Variants in CNTNAP2 observed in about 807,000 individuals in gnomAD.
CNTNAP2 encodes contactin associated protein 2, also known as contactin-associated protein-like 2.
In CNTNAP2, 98 loss-of-function variants were observed where a neutral mutation model predicts 155.2. The observed-to-expected ratio is 0.63, with a 90% CI of 0.54 to 0.75. The LOEUF is 0.75. CNTNAP2 is among the 30% of genes least tolerant of loss of function. The probability of loss-of-function intolerance (pLI) is 0.00; values close to 1 mark genes in which losing one functional copy is unlikely to be tolerated. For synonymous variants in CNTNAP2, 651 were observed against 631.2 expected (o/e 1.03, Z -0.47); for missense variants, 1,727 against 1,688.1 (o/e 1.02, Z -0.40).
At position 146,951,013 on chromosome 7, in the gene CNTNAP2, G is replaced by A. The variant is rs186013608; in HGVS notation, c.403-92894G>A. Among the ~76,000 whole-genome samples the A allele has an allele frequency of 2.8e-3, 427 of 152,092 alleles. 3 individuals carry two copies. Among genetic ancestry groups the A allele is most frequent in the Non-Finnish European group, 3.5e-3 (239 of 68,002 alleles). On this transcript the variant is annotated intron_variant, in intron 3 of 23. Transcript: ENST00000361727. ...AACTGGCGTGAGATGGTATCTCATC[G>A]TGGTTTTGATTTGCATTTCTGTAAT... is the stretch of plus-strand genomic sequence containing the variant.
At chr7:148,143,710 G>A (rs182444997) in intron 16 of CNTNAP2, among the ~76,000 whole-genome samples, 1 of 152,202 alleles carries the variant, frequency 6.6e-6, no homozygotes, top group Admixed American at 6.5e-5. Flanking sequence ...TTTAAAAGTT[G>A]AACAATGTCA....
At chr7:147,076,084 G>GTAAACATAC (rs1799994003) in intron 4 of CNTNAP2, among the ~76,000 whole-genome samples, 1 of 151,870 alleles carries the variant, frequency 6.6e-6, no homozygotes, top group Non-Finnish European at 1.5e-5. Context: ...TAGTGCTGCA[G>GTAAACATAC]TAAACATACG....
chr7:148,126,273 T>G (rs991425547), intron 16 of CNTNAP2, among the ~76,000 whole-genome samples: 1 of 152,148 alleles, frequency 6.6e-6, no homozygotes, highest in African/African-American at 2.4e-5. Flanking sequence ...TACGGAACAT[T>G]AGTTACCATT....
intron 20 of CNTNAP2, among the ~76,000 whole-genome samples, chr7:148,250,474 G>A (rs546588667): frequency 2.0e-5 from 3 of 152,310 alleles, no homozygotes; most frequent in East Asian, 3.9e-4. Context: ...CTTGACAAAC[G>A]TTTCTTGAAT....
At chr7:146,947,597 A>ATG (rs1246647339) in intron 3 of CNTNAP2, among the ~76,000 whole-genome samples, 1 of 132,802 alleles carries the variant, frequency 7.5e-6, no homozygotes, top group African/African-American at 2.7e-5. Context: ...ATATATATAT[A>ATG]TGTATATATC....
At chr7:148,040,841 A>ATTTTT (rs59433735) in intron 15 of CNTNAP2, among the ~76,000 whole-genome samples, 62 of 149,860 alleles carry the variant, frequency 4.1e-4, no homozygotes, top group Admixed American at 9.3e-4. Context: ...AAGAGAGCAA[A>ATTTTT]TTTTTTTTTT....
intron 8 of CNTNAP2, among the ~76,000 whole-genome samples, chr7:147,222,000 T>C (rs1035824872): frequency 6.6e-6 from 1 of 152,124 alleles, no homozygotes. Context: ...ACCCACCCCC[T>C]CTCTGGCTTC....
intron 15 of CNTNAP2, among the ~76,000 whole-genome samples, chr7:148,052,836 C>A (rs147024041): frequency 1.3e-5 from 2 of 152,256 alleles, no homozygotes; most frequent in African/African-American, 2.4e-5. Context: ...TACTTGAGGT[C>A]GGGAGTTTGA....
intron 1 of CNTNAP2, among the ~76,000 whole-genome samples, chr7:146,445,922 C>A (rs1639459): frequency 0.036 from 5,415 of 152,122 alleles, 341 homozygotes; most frequent in African/African-American, 0.12. Context: ...TTATTACAGG[C>A]AACCCTAAGA....
intron 1 of CNTNAP2, among the ~76,000 whole-genome samples, chr7:146,599,846 T>TAA (rs60055032): frequency 4.1e-5 from 6 of 147,548 alleles, no homozygotes; most frequent in African/African-American, 7.6e-5. Context: ...AGACACTAAA[T>TAA]TTTTTGAATG....
intron 13 of CNTNAP2, among the ~76,000 whole-genome samples, chr7:147,706,557 TTC>T (rs1408899609): frequency 6.6e-6 from 1 of 152,212 alleles, no homozygotes; most frequent in Non-Finnish European, 1.5e-5. Context: ...GGTTTTAGAA[TTC>T]TCTCTTTGTC....
chr7:147,786,586 G>A (rs1476725523), intron 13 of CNTNAP2, among the ~76,000 whole-genome samples: 4 of 152,190 alleles, frequency 2.6e-5, no homozygotes, highest in Admixed American at 1.3e-4. Context: ...GCAGCAGCGT[G>A]GGGAGTGCAG....
chr7:147,558,744 T>TTC, intron 11 of CNTNAP2, among the ~76,000 whole-genome samples: 1 of 122,650 alleles, frequency 8.2e-6, no homozygotes, highest in Non-Finnish European at 1.8e-5. Context: ...TTCCTTCCTT[T>TTC]CTTCCTTCCT....
intron 2 of CNTNAP2, among the ~76,000 whole-genome samples, chr7:146,825,213 A>C (rs1803377206): frequency 6.6e-6 from 1 of 152,124 alleles, no homozygotes; most frequent in Non-Finnish European, 1.5e-5. Context: ...TCATGTTGCC[A>C]AGTATACATA....
At chr7:148,077,640 G>A (rs1218277744) in intron 15 of CNTNAP2, among the ~76,000 whole-genome samples, 2 of 151,994 alleles carry the variant, frequency 1.3e-5, no homozygotes, top group Non-Finnish European at 2.9e-5. Context: ...CTTTTTTTCG[G>A]ATATAAAACT....
intron 15 of CNTNAP2, among the ~76,000 whole-genome samples, chr7:148,026,147 A>T (rs34395632): frequency 0.24 from 36,135 of 152,020 alleles, 5,367 homozygotes; most frequent in East Asian, 0.48. Context: ...GTAAAGAAAA[A>T]GTGTACTTTA....
intron 6 of CNTNAP2, among the ~76,000 whole-genome samples, chr7:147,124,027 A>T (rs574212842): frequency 4.7e-4 from 72 of 152,250 alleles, no homozygotes; most frequent in African/African-American, 1.5e-3. Context: ...GGGCAAAAAG[A>T]GTGAAATTCC....
chr7:146,349,637 C>G (rs1469325609), intron 1 of CNTNAP2, among the ~76,000 whole-genome samples: 1 of 152,084 alleles, frequency 6.6e-6, no homozygotes, highest in East Asian at 1.9e-4. Flanking sequence ...TAGTGCTTCC[C>G]TAAGGAGGTC....
intron 9 of CNTNAP2, among the ~76,000 whole-genome samples, chr7:147,321,539 C>T (rs117009817): frequency 6.6e-6 from 1 of 152,250 alleles, no homozygotes; most frequent in Non-Finnish European, 1.5e-5. Flanking sequence ...TTCACAGTAG[C>T]TTTACTCTCA....
Sources: gnomAD v4.1 joint callset for allele counts (sites outside exome capture counted in the v4.1 genomes callset) on GRCh38, gnomAD v4.1.1 for gene constraint, MANE v1.5 for transcripts, NCBI Gene and HGNC (gene_info 2026-07-23, HGNC 2026-07-21) for gene names.